Variants in TSPAN16 observed in about 807,000 individuals in gnomAD.
The protein encoded by TSPAN16 is tetraspanin 16.
TSPAN16 carries 23 observed loss-of-function variants against 25.2 expected under a neutral mutation model. The observed-to-expected ratio is 0.91, with a 90% CI of 0.66 to 1.29. The LOEUF is 1.29. Ranked by LOEUF, TSPAN16 falls within the 50% of genes most tolerant of loss-of-function variation. The pLI is 0.00. For synonymous variants in TSPAN16, 123 were observed against 124.4 expected, an observed-to-expected ratio of 0.99 and a Z score of 0.08; for missense variants, 272 against 299.9, an observed-to-expected ratio of 0.91 and a Z score of 0.69.
At chr19:11,326,745 AG>A (rs2080815539) in intron 6 of TSPAN16, 1 of 693,956 alleles carries the variant, frequency 1.4e-6, no homozygotes, top group Non-Finnish European at 2.6e-6. Context: ...CTGGGGCTAC[AG>A]GTGTGCCCCA....
chr19:11,315,708 C>A, intron 6 of TSPAN16, 83 bp from the exon 7 acceptor site: 2 of 1,102,266 alleles, frequency 1.8e-6, no homozygotes, highest in Non-Finnish European at 2.3e-6. Flanking sequence ...ACAGGATGCT[C>A]CCCTTGTCCC....
Position 11,326,651 on chromosome 19 carries a change from C to T in TSPAN16, c.688-143C>T, listed in dbSNP as rs1568299371. ...AACGGTCTCTCTCTATTGCCCAGGC[C>T]GGGGTGTAGTGGTATGAACATGGCT... On this transcript the variant is annotated intron_variant, in intron 6 of 6. Coordinates refer to the TSPAN16 transcript ENST00000316737. The T allele has an allele frequency of 1.3e-4, 70 of 540,294 alleles. No homozygotes were observed. In the East Asian group the frequency reaches 2.1e-3, roughly 16 times the overall value. The allele number at this position is 540,294 out of a possible 1,614,324, so 33.5% of individuals were successfully genotyped here. A position where few individuals can be genotyped will look rare whatever the true frequency, so the allele number is the denominator to read the frequency against.
intron 6 of TSPAN16, among the ~76,000 whole-genome samples, chr19:11,326,288 G>A (rs2080812541): frequency 6.6e-6 from 1 of 151,978 alleles, no homozygotes; most frequent in Admixed American, 6.6e-5. Context: ...GGTTAAGGCA[G>A]GAGAATGGTT....
At chr19:11,319,851 G>A (rs2080767219), downstream of TSPAN16, among the ~76,000 whole-genome samples, 1 of 151,818 alleles carries the variant, frequency 6.6e-6, no homozygotes, top group Non-Finnish European at 1.5e-5. Context: ...GTCTCGCTCT[G>A]TCGCCCAGGC....
At chr19:11,308,663 C>T (rs111478311) in intron 5 of TSPAN16, among the ~76,000 whole-genome samples, 5,078 of 151,988 alleles carry the variant, frequency 0.033, 286 homozygotes, top group African/African-American at 0.12. Context: ...TTAGTAGAGA[C>T]GGGGTTTCAC....
At chr19:11,307,161 C>A (rs575446785) in intron 5 of TSPAN16, among the ~76,000 whole-genome samples, 1 of 151,782 alleles carries the variant, frequency 6.6e-6, no homozygotes, top group East Asian at 1.9e-4. Context: ...ACTGTGTCTC[C>A]CAGGCTGGAG....
At chr19:11,297,482 A>ATT in intron 1 of TSPAN16, among the ~76,000 whole-genome samples, 1 of 147,050 alleles carries the variant, frequency 6.8e-6, no homozygotes, top group Middle Eastern at 3.5e-3. Context: ...GTCCTATGAC[A>ATT]TTATTTTATT....
intron 1 of TSPAN16, among the ~76,000 whole-genome samples, chr19:11,296,856 G>A (rs2080483979): frequency 6.6e-6 from 1 of 151,968 alleles, no homozygotes; most frequent in African/African-American, 2.4e-5. Context: ...TGGTCAATAT[G>A]GGGAAACCCC....
chr19:11,317,840 T>C (rs906168280), downstream of TSPAN16, among the ~76,000 whole-genome samples: 3 of 150,452 alleles, frequency 2.0e-5, no homozygotes, highest in Non-Finnish European at 4.4e-5. Flanking sequence ...AAAAAAAGTG[T>C]GAAATGCTTG....
downstream of TSPAN16, among the ~76,000 whole-genome samples, chr19:11,317,802 G>C (rs570338528): frequency 2.0e-5 from 3 of 149,446 alleles, no homozygotes; most frequent in African/African-American, 7.4e-5. Context: ...CAGCCTGGGC[G>C]ACAGAGCAAT....
At chr19:11,314,835 C>T (rs73922639) in intron 6 of TSPAN16, among the ~76,000 whole-genome samples, 4,595 of 152,182 alleles carry the variant, frequency 0.03, 232 homozygotes, top group African/African-American at 0.11. Context: ...TCTCTCCTCC[C>T]GCTCACCCGT....
chr19:11,318,298 T>A (rs1260391081), downstream of TSPAN16, among the ~76,000 whole-genome samples: 1 of 152,106 alleles, frequency 6.6e-6, no homozygotes, highest in Non-Finnish European at 1.5e-5. Context: ...GTGCTGGGAT[T>A]ACAGGTGTGA....
intron 3 of TSPAN16, 127 bp from the exon 4 acceptor site, chr19:11,301,074 A>C: frequency 1.4e-6 from 1 of 711,916 alleles, no homozygotes. Flanking sequence ...CCCTGAGCTG[A>C]GGGTAGGAAA....
At chr19:11,309,899 A>G (rs1040479435) in intron 5 of TSPAN16, among the ~76,000 whole-genome samples, 1 of 152,162 alleles carries the variant, frequency 6.6e-6, no homozygotes, top group Non-Finnish European at 1.5e-5. Context: ...ACAGGAGTTC[A>G]AGACCAGCCT....
In TSPAN16 at chr19:11,303,576, TTAA is replaced by T. The variant is rs1334969537; in HGVS notation, c.450+2269_450+2271del. 5.8e-3 allele frequency among the ~76,000 whole-genome samples: 433 copies of T among 74,522 alleles called. 5 individuals are homozygous for T. Among genetic ancestry groups the T allele is most frequent in the Middle Eastern group, 0.021 (3 of 146 alleles). 48.9% of individuals were successfully genotyped at this position (74,522 alleles called of 152,430 possible). A position where few individuals can be genotyped will look rare whatever the true frequency, so the allele number is the denominator to read the frequency against. ...AATAAAAAATAAATAAATAAATAAA[TTAA>T]AAAAAAAAAAAAAAAAAACTCCTGG... On this transcript the variant is annotated intron_variant, in intron 4 of 6. Coordinates refer to ENST00000590327, the MANE Select transcript of TSPAN16 (RefSeq NM_001282509.2).
intron 3 of TSPAN16, 93 bp from the exon 4 acceptor site, chr19:11,301,108 T>C: frequency 9.6e-7 from 1 of 1,037,840 alleles, no homozygotes. Flanking sequence ...CGAGGGACGC[T>C]CCCACCTCCC....
chr19:11,306,136 C>T (rs1420075781), intron 4 of TSPAN16, among the ~76,000 whole-genome samples: 1 of 152,082 alleles, frequency 6.6e-6, no homozygotes, highest in South Asian at 2.1e-4. Context: ...GGCGTGGGGG[C>T]GTGTGCCTGA....
At chr19:11,322,559 C>G (rs144879292) in intron 6 of TSPAN16, 13 of 152,304 alleles carry the variant, frequency 8.5e-5, no homozygotes, top group African/African-American at 2.9e-4. Context: ...AACAAACCTC[C>G]GTTTCCCTGA....
intron 4 of TSPAN16, among the ~76,000 whole-genome samples, chr19:11,304,302 G>A (rs1385259956): frequency 1.3e-5 from 2 of 151,380 alleles, no homozygotes; most frequent in African/African-American, 4.9e-5. Context: ...AGCTGCTGTG[G>A]GTTGATGGCC....
Sources: gnomAD v4.1 joint callset for allele counts (sites outside exome capture counted in the v4.1 genomes callset) on GRCh38, gnomAD v4.1.1 for gene constraint, MANE v1.5 for transcripts, NCBI Gene and HGNC (gene_info 2026-07-23, HGNC 2026-07-21) for gene names.